The following COL4A4 variants were observed in gnomAD, a reference collection of about 807,000 sequenced individuals.
The protein encoded by COL4A4 is collagen alpha-4(IV) chain.
A neutral mutation model predicts 192.9 loss-of-function variants in COL4A4; 105 were observed. That is an observed-to-expected ratio of 0.54 (90% confidence interval 0.46 to 0.64). COL4A4 has a LOEUF of 0.64. Among genes scored for constraint, COL4A4 ranks in the 30% least tolerant of loss-of-function variants. The pLI, the probability that COL4A4 is intolerant of heterozygous loss-of-function variation, is 0.00. For synonymous variants in COL4A4, 762 were observed against 769.9 expected, an observed-to-expected ratio of 0.99 and a Z score of 0.17; for missense variants, 1,967 against 2,169.3, an observed-to-expected ratio of 0.91 and a Z score of 1.85.
At chr2:227,114,581 T>A (rs774604231) in intron 8 of COL4A4, 47 bp downstream of exon 8, 2 of 1,468,022 alleles carry the variant, frequency 1.4e-6, no homozygotes, top group Non-Finnish European at 1.9e-6. Context: ...TGGGCTTACC[T>A]ATTTGGAAGA....
rs190553039 is a variant in COL4A4, at chr2:227,144,386, A to C, written c.114+130T>G. 24 of 743,810 alleles carry C rather than the reference A, an allele frequency of 3.2e-5. No individual in the cohort carries two copies. The African/African-American group carries it at 4.1e-4, about 13-fold the overall frequency. 46.1% of individuals were successfully genotyped at this position (743,810 alleles called of 1,614,324 possible). A position where few individuals can be genotyped will look rare whatever the true frequency, so the allele number is the denominator to read the frequency against. ...ATAAAAGAAATCTTAGAGTTTATTT[A>C]GTCCTATTCTCCATTTTACAGGTAA... On this transcript the variant is annotated intron_variant, in intron 3 of 47. Transcript: ENST00000396625.
intron 28 of COL4A4, among the ~76,000 whole-genome samples, chr2:227,059,102 C>T (rs1976223192): frequency 6.6e-6 from 1 of 152,232 alleles, no homozygotes; most frequent in Non-Finnish European, 1.5e-5. Context: ...GCAACAGCCC[C>T]AGACAGGTTA....
chr2:227,104,062 A>AG lies in COL4A4; in HGVS notation c.736-11_736-10insC, dbSNP rs1559632103. ...GCTGACCAACCTCACCCTTAAAAAA[A>AG]AAAGCAAGATAATGAAAATTTCATA... On this transcript the variant is annotated splice_polypyrimidine_tract_variant and intron_variant, in intron 12 of 47. Coordinates refer to ENST00000396625, the MANE Select transcript of COL4A4 (RefSeq NM_000092.5). The AG allele has an allele frequency of 1.2e-6, 2 of 1,610,832 alleles. No individual in the cohort carries two copies. The highest frequency in any genetic ancestry group is 2.7e-5 in the African/African-American group (2 of 74,884).
intron 25 of COL4A4, among the ~76,000 whole-genome samples, chr2:227,067,104 T>C (rs2058390233): frequency 6.6e-6 from 1 of 151,608 alleles, no homozygotes; most frequent in Admixed American, 6.6e-5. Flanking sequence ...CCAACAAAGA[T>C]CAAAAGAGAC....
intron 25 of COL4A4, among the ~76,000 whole-genome samples, chr2:227,069,164 T>C (rs1425111258): frequency 2.1e-5 from 3 of 140,424 alleles, no homozygotes; most frequent in African/African-American, 5.3e-5. Flanking sequence ...TTACAAGGGA[T>C]GTGAAGGACC....
intron 37 of COL4A4, among the ~76,000 whole-genome samples, chr2:227,035,460 A>G (rs1462283666): frequency 6.6e-6 from 1 of 152,052 alleles, no homozygotes; most frequent in Non-Finnish European, 1.5e-5. Flanking sequence ...CAGTACTTGA[A>G]ACAGACAGTC....
chr2:227,069,564 G>A (rs1180834936), intron 25 of COL4A4, among the ~76,000 whole-genome samples: 7 of 151,810 alleles, frequency 4.6e-5, no homozygotes, highest in South Asian at 2.1e-4. Flanking sequence ...AAATAACGCC[G>A]CATATCTACA....
intron 22 of COL4A4, among the ~76,000 whole-genome samples, chr2:227,085,153 G>A (rs922091995): frequency 1.0e-4 from 11 of 110,328 alleles, no homozygotes; most frequent in South Asian, 7.2e-4. Context: ...AAAGCAAAAC[G>A]AAACAAAAAA....
chr2:227,012,244 C>A lies in COL4A4; in HGVS notation c.4270G>T (p.Gly1424Trp). 1 of 1,614,112 alleles carries A rather than the reference C, an allele frequency of 6.2e-7. No individual in the cohort carries two copies. Among genetic ancestry groups the A allele is most frequent in the Non-Finnish European group, 8.5e-7 (1 of 1,180,004 alleles). The change falls in exon 45 of 48, where the codon GGG (glycine) becomes TGG (tryptophan). Residue 1424 changes from glycine to tryptophan, a missense_variant. Coordinates refer to ENST00000396625, the MANE Select transcript of COL4A4 (RefSeq NM_000092.5). Reference protein sequence around the residue: ...DGRRGVDGVPGSPGPPGRKGD... With the variant: ...DGRRGVDGVPWSPGPPGRKGD... ...TTACGTCCGGGAGGCCCAGGAGACC[C>A]AGGGACGCCATCCACACCCCTCCTG...
At chr2:226,979,306 A>C in the COL4A4 span, among the ~76,000 whole-genome samples, 2 of 152,182 alleles carry the variant, frequency 1.3e-5, no homozygotes, top group Non-Finnish European at 2.9e-5. Context: ...AGGCTTATGG[A>C]CACATAGAAG....
At position 227,005,930 on chromosome 2, in the gene COL4A4, T is replaced by G. The variant is rs1961990032; in HGVS notation, c.*1395A>C. 3 of 152,202 alleles carry G rather than the reference T, an allele frequency of 2.0e-5. No homozygotes were observed. In the South Asian group the frequency reaches 6.2e-4, roughly 31 times the overall value. The allele number at this position is 152,202 out of a possible 1,614,324, so 9.4% of individuals were successfully genotyped here. A position where few individuals can be genotyped will look rare whatever the true frequency, so the allele number is the denominator to read the frequency against. ...TCCTAGCAAAACAGAAAAAGGGATCTTTTGCTTTACAGAAAAAAATAATCA... is the reference window on the plus strand; with the variant it reads ...TCCTAGCAAAACAGAAAAAGGGATCGTTTGCTTTACAGAAAAAAATAATCA... On this transcript the variant is annotated 3_prime_UTR_variant, in exon 48 of 48. Transcript: ENST00000396625.
At chr2:227,117,377 T>C (rs1473590619) in intron 7 of COL4A4, among the ~76,000 whole-genome samples, 1 of 152,226 alleles carries the variant, frequency 6.6e-6, no homozygotes, top group Non-Finnish European at 1.5e-5. Flanking sequence ...AGACTGCACT[T>C]GAGTTTTCAA....
Position 227,143,917 on chromosome 2 carries a change from T to C in COL4A4, c.114+599A>G, listed in dbSNP as rs1416095619. Among the ~76,000 whole-genome samples the C allele has an allele frequency of 2.0e-5, 3 of 152,230 alleles. No homozygotes were observed. The East Asian group carries it at 5.8e-4, about 29-fold the overall frequency. On this transcript the variant is annotated intron_variant, in intron 3 of 47. Transcript: ENST00000396625. ...AGGAAAAGGAGAACAGAAGGTAATT[T>C]TGCACTTTGATTTGCTTTGAAAAAA...
At chr2:227,136,782 CT>C (rs1258775416) in intron 4 of COL4A4, among the ~76,000 whole-genome samples, 3 of 152,316 alleles carry the variant, frequency 2.0e-5, no homozygotes, top group Non-Finnish European at 4.4e-5. Flanking sequence ...GGGCATTAAC[CT>C]GTAAGAGAGG....
In COL4A4 at chr2:227,159,650, C is replaced by T. The variant is rs182605711; in HGVS notation, c.-102+4357G>A. ...TTTCCCACATGCTATTCTCATGATACTGAGTGAGTTCTCATGAGATCTGAT... is the reference window on the plus strand; with the variant it reads ...TTTCCCACATGCTATTCTCATGATATTGAGTGAGTTCTCATGAGATCTGAT... On this transcript the variant is annotated intron_variant, in intron 1 of 47. Transcript: ENST00000396625. Among the ~76,000 whole-genome samples, 275 of 152,286 alleles carry T rather than the reference C, an allele frequency of 1.8e-3. 2 individuals are homozygous for T. Among genetic ancestry groups the T allele is most frequent in the Middle Eastern group, 6.8e-3 (2 of 294 alleles).
intron 4 of COL4A4, among the ~76,000 whole-genome samples, chr2:227,135,316 A>T (rs1354123650): frequency 6.6e-6 from 1 of 152,184 alleles, no homozygotes. Flanking sequence ...GGTAAGCTCC[A>T]GTCTCCTCCC....
At chr2:227,120,073 G>C (rs1452912932) in intron 5 of COL4A4, 134 bp from the exon 6 acceptor site, 1 of 598,360 alleles carries the variant, frequency 1.7e-6, no homozygotes, top group Non-Finnish European at 2.7e-6. Context: ...TTTACATGAT[G>C]AGTCTAAAAG....
intron 5 of COL4A4, among the ~76,000 whole-genome samples, chr2:227,120,168 C>T (rs1433193668): frequency 2.0e-5 from 3 of 152,156 alleles, no homozygotes; most frequent in Admixed American, 2.0e-4. Context: ...AATCATTCAA[C>T]ATGCTGTGAA....
At chr2:227,071,983 C>G (rs1468164151) in intron 25 of COL4A4, among the ~76,000 whole-genome samples, 1 of 151,722 alleles carries the variant, frequency 6.6e-6, no homozygotes, top group Non-Finnish European at 1.5e-5. Context: ...AGTCACACCT[C>G]AAGGAACTAG....
Sources: allele counts gnomAD v4.1 joint callset (sites outside exome capture counted in the v4.1 genomes callset), GRCh38; gene constraint gnomAD v4.1.1; transcripts MANE v1.5; gene names NCBI Gene and HGNC (gene_info 2026-07-23, HGNC 2026-07-21).